PPT1: variants seen among roughly 807,000 people sequenced by gnomAD.
PPT1 encodes the protein ceroid-palmitoyl-palmitoyl-protein thioesterase 1.
A neutral mutation model predicts 44.0 loss-of-function variants in PPT1; 24 were observed. That is an observed-to-expected ratio of 0.54 (90% confidence interval 0.39 to 0.77). PPT1 has a LOEUF of 0.77. Ranked by LOEUF, PPT1 falls within the 30% of genes least tolerant of loss-of-function variation. PPT1 has a pLI of 0.00. For synonymous variants in PPT1, 148 were observed against 140.2 expected (o/e 1.06, Z -0.39); for missense variants, 341 against 378.8 (o/e 0.90, Z 0.83).
At chr1:40,085,749 T>A (rs1649225825) in intron 5 of PPT1, among the ~76,000 whole-genome samples, 1 of 152,238 alleles carries the variant, frequency 6.6e-6, no homozygotes, top group Admixed American at 6.5e-5. Context: ...GCACACTTAA[T>A]AGACTTCAGT....
At chr1:40,087,482 A>T (rs1262660572) in intron 5 of PPT1, among the ~76,000 whole-genome samples, 1 of 151,946 alleles carries the variant, frequency 6.6e-6, no homozygotes, top group Non-Finnish European at 1.5e-5. Flanking sequence ...GCCTCAAGTG[A>T]TCTGCCTACC....
At chr1:40,076,752 A>G in intron 8 of PPT1, 90 bp downstream of exon 8, 8 of 1,606,844 alleles carry the variant, frequency 5.0e-6, no homozygotes, top group Non-Finnish European at 6.8e-6. Flanking sequence ...GGTGTAAAGG[A>G]AAGGGCTCCA....
At chr1:40,089,077 G>C (rs897859100) in intron 5 of PPT1, among the ~76,000 whole-genome samples, 21 of 151,888 alleles carry the variant, frequency 1.4e-4, no homozygotes, top group African/African-American at 5.1e-4. Context: ...ACCTGAGCTC[G>C]GGAAGTTGGA....
chr1:40,086,028 G>A (rs1027728641), intron 5 of PPT1, among the ~76,000 whole-genome samples: 2 of 152,216 alleles, frequency 1.3e-5, no homozygotes, highest in Admixed American at 6.5e-5. Flanking sequence ...GACAATTGAG[G>A]AAAAGCACTC....
At chr1:40,081,692 G>A (rs75935066) in intron 5 of PPT1, among the ~76,000 whole-genome samples, 1,918 of 152,276 alleles carry the variant, frequency 0.013, 31 homozygotes, top group Non-Finnish European at 0.015. Flanking sequence ...GGAACTGTAA[G>A]TCCATTATAA....
At chr1:40,093,789 C>T in intron 1 of PPT1, 1 of 475,446 alleles carries the variant, frequency 2.1e-6, no homozygotes. Flanking sequence ...GGGGCTGAGG[C>T]AGGAGAATCG....
intron 5 of PPT1, among the ~76,000 whole-genome samples, chr1:40,088,626 T>G (rs1649389898): frequency 6.6e-6 from 1 of 152,142 alleles, no homozygotes; most frequent in Admixed American, 6.5e-5. Flanking sequence ...TCAGACTGGT[T>G]GTGAACTTCT....
intron 5 of PPT1, among the ~76,000 whole-genome samples, chr1:40,081,717 A>G (rs529457807): frequency 1.3e-5 from 2 of 152,202 alleles, no homozygotes; most frequent in East Asian, 3.9e-4. Context: ...CTATTTGCCC[A>G]GTCTCGGGTA....
Position 40,074,303 on chromosome 1 carries a change from G to A in PPT1, c.799-120C>T, listed in dbSNP as rs894206664. ...AGTTTGTCCTGAGTATTAAAATTGA[G>A]GTGTATTTTCAAAAATGCCAAAAAG... On this transcript the variant is annotated intron_variant, in intron 8 of 8. Coordinates refer to ENST00000642050, the MANE Select transcript of PPT1 (RefSeq NM_000310.4). 1.1e-5 allele frequency: 14 copies of A among 1,295,844 alleles called. No homozygotes were observed. In the African/African-American group the frequency reaches 1.8e-4, roughly 16 times the overall value. The allele number at this position is 1,295,844 out of a possible 1,614,324, so 80.3% of individuals were successfully genotyped here.
intron 3 of PPT1, among the ~76,000 whole-genome samples, chr1:40,091,684 T>C (rs980598798): frequency 6.6e-6 from 1 of 151,952 alleles, no homozygotes; most frequent in African/African-American, 2.4e-5. Flanking sequence ...GACAACATGG[T>C]AAAACCCCAT....
chr1:40,080,570 G>A (rs1300562140), intron 5 of PPT1, 83 bp from the exon 6 acceptor site: 1 of 1,371,802 alleles, frequency 7.3e-7, no homozygotes, highest in East Asian at 2.3e-5. Context: ...AGGCCACCAA[G>A]AGACTTTAAA....
At chr1:40,074,418 C>T (rs931655563) in intron 8 of PPT1, among the ~76,000 whole-genome samples, 2 of 121,910 alleles carry the variant, frequency 1.6e-5, no homozygotes, top group Non-Finnish European at 3.3e-5. Context: ...TCCCCCTCCT[C>T]CTGTCCCCCC....
At chr1:40,087,401 C>T (rs1422479742) in intron 5 of PPT1, among the ~76,000 whole-genome samples, 1 of 151,926 alleles carries the variant, frequency 6.6e-6, no homozygotes, top group African/African-American at 2.4e-5. Context: ...CACCACCACG[C>T]CTGCCTAATT....
intron 4 of PPT1, 65 bp downstream of exon 4, chr1:40,091,264 T>G (rs1222886357): frequency 1.1e-5 from 16 of 1,502,660 alleles, no homozygotes; most frequent in Non-Finnish European, 1.5e-5. Context: ...TCCTAGATTT[T>G]TTTTTAAATC....
At chr1:40,095,404 C>T (rs1333406752) in intron 1 of PPT1, among the ~76,000 whole-genome samples, 1 of 152,066 alleles carries the variant, frequency 6.6e-6, no homozygotes, top group African/African-American at 2.4e-5. Flanking sequence ...GCCGAAGACT[C>T]CCTACTTAAA....
chr1:40,095,124 C>T (rs975555491), intron 1 of PPT1, among the ~76,000 whole-genome samples: 1 of 152,212 alleles, frequency 6.6e-6, no homozygotes, highest in Non-Finnish European at 1.5e-5. Flanking sequence ...TCTTCCTTGA[C>T]CCATTAACAT....
chr1:40,095,680 C>T (rs1415610983), intron 1 of PPT1, among the ~76,000 whole-genome samples: 1 of 152,130 alleles, frequency 6.6e-6, no homozygotes, highest in Non-Finnish European at 1.5e-5. Flanking sequence ...AGCAATCCAC[C>T]TTCAAAATCT....
chr1:40,093,432 A>AAGAC (rs60844058), intron 1 of PPT1, among the ~76,000 whole-genome samples: 1 of 151,866 alleles, frequency 6.6e-6, no homozygotes, highest in South Asian at 2.1e-4. Flanking sequence ...GGTGTTGAAA[A>AAGAC]AGAAGTGTTA....
At chr1:40,091,982 C>T (rs181133146) in intron 3 of PPT1, 63 bp downstream of exon 3, 2 of 1,588,346 alleles carry the variant, frequency 1.3e-6, no homozygotes, top group East Asian at 4.5e-5. Flanking sequence ...GTGGATTTAT[C>T]TGAATAAAAG....
Sources: allele counts gnomAD v4.1 joint callset (sites outside exome capture counted in the v4.1 genomes callset), GRCh38; gene constraint gnomAD v4.1.1; transcripts MANE v1.5; gene names NCBI Gene and HGNC (gene_info 2026-07-23, HGNC 2026-07-21).